Variants in LRRC37A2 observed in about 807,000 individuals in gnomAD.
The protein encoded by LRRC37A2 is leucine rich repeat containing 37 member A2, also known as leucine-rich repeat-containing protein 37A2.
Under a neutral mutation model 68.8 loss-of-function variants are expected in LRRC37A2, and 9 were observed. The ratio of observed to expected loss-of-function variants is 0.13; its 90% CI spans 0.08 to 0.23. The LOEUF is 0.23. Among genes scored for constraint, LRRC37A2 ranks in the 10% least tolerant of loss-of-function variants. The pLI is 1.00. For missense variants in LRRC37A2, 168 were observed against 950.4 expected, an observed-to-expected ratio of 0.18 and a Z score of 10.82; for synonymous variants, 63 against 367.6, an observed-to-expected ratio of 0.17 and a Z score of 9.48.
the LRRC37A2 span, among the ~76,000 whole-genome samples, chr17:46,888,755 G>A: frequency 6.6e-6 from 1 of 152,242 alleles, no homozygotes; most frequent in East Asian, 1.9e-4. Context: ...CCAGACCCAA[G>A]GCAGCAGCAT....
the LRRC37A2 span, among the ~76,000 whole-genome samples, chr17:46,490,580 C>T: frequency 3.7e-3 from 556 of 150,418 alleles, 41 homozygotes; most frequent in African/African-American, 0.013. Flanking sequence ...AAAAATTAGC[C>T]GGGCGTGGTG....
At chr17:46,891,615 G>A in the LRRC37A2 span, among the ~76,000 whole-genome samples, 1 of 152,306 alleles carries the variant, frequency 6.6e-6, no homozygotes, top group Non-Finnish European at 1.5e-5. Flanking sequence ...GAGGATGTCA[G>A]TTTGTCTGTA....
the LRRC37A2 span, among the ~76,000 whole-genome samples, chr17:47,023,595 T>G: frequency 2.9e-3 from 436 of 152,040 alleles, no homozygotes; most frequent in African/African-American, 9.7e-3. Flanking sequence ...GCAGGAGAAT[T>G]GCTTTATTTA....
chr17:46,712,083 A>C, the LRRC37A2 span, among the ~76,000 whole-genome samples: 14 of 152,180 alleles, frequency 9.2e-5, no homozygotes, highest in African/African-American at 3.4e-4. Flanking sequence ...AATGGATTGG[A>C]GGGGCAAAAA....
chr17:46,957,868 CAG>C, the LRRC37A2 span, among the ~76,000 whole-genome samples: 2 of 152,144 alleles, frequency 1.3e-5, no homozygotes, highest in African/African-American at 4.8e-5. Context: ...GATGAGCACT[CAG>C]GGGAAACGGA....
chr17:46,876,894 C>G, the LRRC37A2 span: 2 of 1,378,640 alleles, frequency 1.5e-6, no homozygotes, highest in Admixed American at 3.2e-5. Flanking sequence ...TTGCCTCCCT[C>G]GATACTCAAC....
the LRRC37A2 span, among the ~76,000 whole-genome samples, chr17:46,748,929 T>C: frequency 6.6e-6 from 1 of 152,124 alleles, no homozygotes; most frequent in Admixed American, 6.5e-5. Flanking sequence ...ACATAATAAA[T>C]ACTGAATATA....
At chr17:46,737,339 C>T in the LRRC37A2 span, among the ~76,000 whole-genome samples, 1 of 152,158 alleles carries the variant, frequency 6.6e-6, no homozygotes, top group Non-Finnish European at 1.5e-5. Context: ...ATATAGGATA[C>T]TTAGTTAAAT....
the LRRC37A2 span, among the ~76,000 whole-genome samples, chr17:46,856,502 T>C: frequency 6.6e-6 from 1 of 150,990 alleles, no homozygotes; most frequent in Non-Finnish European, 1.5e-5. Flanking sequence ...TTTTTTTTTT[T>C]GAGATGGAGT....
At chr17:46,733,200 G>T in the LRRC37A2 span, among the ~76,000 whole-genome samples, 19 of 152,138 alleles carry the variant, frequency 1.2e-4, no homozygotes, top group African/African-American at 4.6e-4. Context: ...GGAAGTTGAG[G>T]GGAATGTGCT....
the LRRC37A2 span, among the ~76,000 whole-genome samples, chr17:46,494,559 T>C: frequency 2.0e-5 from 3 of 150,754 alleles, no homozygotes; most frequent in Non-Finnish European, 4.4e-5. Flanking sequence ...ATCAATTATA[T>C]TGTTTCGATT....
chr17:47,021,775 T>C, the LRRC37A2 span: 9 of 1,017,772 alleles, frequency 8.8e-6, no homozygotes, highest in Admixed American at 1.8e-5. Context: ...CCCAACAAGG[T>C]TGCAATGATT....
chr17:46,773,871 G>A, the LRRC37A2 span: 1 of 1,612,690 alleles, frequency 6.2e-7, no homozygotes, highest in South Asian at 1.1e-5. Context: ...CAGGGGCTGT[G>A]AGCCCAGAGA....
chr17:46,985,492 C>A, the LRRC37A2 span, among the ~76,000 whole-genome samples: 2 of 149,942 alleles, frequency 1.3e-5, no homozygotes, highest in East Asian at 3.9e-4. Flanking sequence ...TGCACTCCAG[C>A]CTGGGAGACA....
the LRRC37A2 span, among the ~76,000 whole-genome samples, chr17:46,812,551 G>A: frequency 6.6e-6 from 1 of 152,180 alleles, no homozygotes; most frequent in Admixed American, 6.5e-5. Flanking sequence ...CCCAGCAAGA[G>A]TCTGGCAGAC....
At chr17:46,521,111 T>C (rs1433733068) in intron 4 of LRRC37A2, among the ~76,000 whole-genome samples, 1 of 76,094 alleles carries the variant, frequency 1.3e-5, no homozygotes, top group African/African-American at 4.0e-5. Flanking sequence ...TCTTCACTAA[T>C]TACAAAATAA....
At chr17:46,761,554 C>T in the LRRC37A2 span, among the ~76,000 whole-genome samples, 123 of 152,066 alleles carry the variant, frequency 8.1e-4, 1 homozygote, top group African/African-American at 2.3e-3. Flanking sequence ...AAGCTGGTCT[C>T]GAACTCCTGA....
At chr17:46,922,503 AG>A in the LRRC37A2 span, among the ~76,000 whole-genome samples, 164 of 152,224 alleles carry the variant, frequency 1.1e-3, no homozygotes, top group Admixed American at 1.8e-3. Context: ...AATAAAATAA[AG>A]AAAAAAAATC....
chr17:46,460,863 A>C, the LRRC37A2 span, among the ~76,000 whole-genome samples: 3 of 90,108 alleles, frequency 3.3e-5, no homozygotes, highest in African/African-American at 1.3e-4. Flanking sequence ...GAAAGGCAAG[A>C]GAAAGAGGAT....
Sources: gnomAD v4.1 joint callset for allele counts (sites outside exome capture counted in the v4.1 genomes callset) on GRCh38, gnomAD v4.1.1 for gene constraint, MANE v1.5 for transcripts, NCBI Gene and HGNC (gene_info 2026-07-23, HGNC 2026-07-21) for gene names.